TFG: variants seen among roughly 807,000 people sequenced by gnomAD.
The protein encoded by TFG is trafficking from ER to golgi regulator, also known as protein TFG.
A neutral mutation model predicts 51.4 loss-of-function variants in TFG; 22 were observed. The observed-to-expected ratio is 0.43, with a 90% confidence interval of 0.31 to 0.61. The LOEUF (loss-of-function observed/expected upper bound fraction) is 0.61. Ranked by LOEUF, TFG falls within the 20% of genes least tolerant of loss-of-function variation. TFG has a pLI of 0.12. For synonymous variants in TFG, 187 were observed against 165.6 expected, an observed-to-expected ratio of 1.13 and a Z score of -0.99; for missense variants, 419 against 487.7, an observed-to-expected ratio of 0.86 and a Z score of 1.33.
chr3:100,721,829 G>C lies in TFG; in HGVS notation c.268+1771G>C, dbSNP rs187832694. On this transcript the variant is annotated intron_variant, in intron 3 of 7. Transcript: ENST00000240851. ...TATGTGATAGTCTACAAAATTAAAA[G>C]TTATTTAAGACATAGAAGAAGGAAT... 2.0e-3 allele frequency among the ~76,000 whole-genome samples: 308 copies of C among 152,312 alleles called. 1 individual carries two copies. In the Middle Eastern group the frequency reaches 0.024, roughly 12 times the overall value.
chr3:100,720,177 A>C, intron 3 of TFG, 119 bp downstream of exon 3: 1 of 580,928 alleles, frequency 1.7e-6, no homozygotes, highest in Non-Finnish European at 2.9e-6. Flanking sequence ...TATTACATTT[A>C]TTTGTGTTCA....
Position 100,713,836 on chromosome 3 carries a change from A to G in TFG, c.151A>G (p.Asn51Asp). ...AGTTTTCAGAGGAAAACTTCTGAGT[A>G]ATGATGAAGTAACAATAAAGTATAA... is the stretch of plus-strand genomic sequence containing the variant. ...QRVFRGKLLS[N>D]DEVTIKYKDE... is the part of the protein sequence containing the mutation. Residue 51 changes from asparagine to aspartate, a missense_variant, in exon 2 of 8, where the codon AAT (asparagine) becomes GAT (aspartate). Transcript: ENST00000240851. The G allele has an allele frequency of 6.4e-7, 1 of 1,574,768 alleles. No homozygotes were observed. Among genetic ancestry groups the G allele is most frequent in the Non-Finnish European group, 8.7e-7 (1 of 1,153,218 alleles).
intron 5 of TFG, among the ~76,000 whole-genome samples, chr3:100,735,371 CT>C (rs943806466): frequency 1.1e-4 from 16 of 152,200 alleles, no homozygotes; most frequent in African/African-American, 3.6e-4. Context: ...TTATATGGAA[CT>C]TTCTGAGTAG....
chr3:100,717,743 A>G (rs184443193), intron 2 of TFG, among the ~76,000 whole-genome samples: 267 of 152,000 alleles, frequency 1.8e-3, no homozygotes, highest in African/African-American at 6.1e-3. Flanking sequence ...TGTTTCTGGC[A>G]GCTTTATTGA....
intron 5 of TFG, 25 bp downstream of exon 5, chr3:100,732,697 C>T: frequency 2.3e-5 from 36 of 1,567,408 alleles, no homozygotes; most frequent in Non-Finnish European, 3.1e-5. Flanking sequence ...AACTCCTTTA[C>T]ACCCTTCGTT....
chr3:100,735,012 G>T (rs1424470211), intron 5 of TFG, among the ~76,000 whole-genome samples: 4 of 152,118 alleles, frequency 2.6e-5, no homozygotes, highest in Non-Finnish European at 5.9e-5. Context: ...AACATGGAAT[G>T]AATATTAACT....
At chr3:100,728,015 G>A (rs897884466) in intron 3 of TFG, among the ~76,000 whole-genome samples, 1 of 152,034 alleles carries the variant, frequency 6.6e-6, no homozygotes, top group African/African-American at 2.4e-5. Flanking sequence ...TAAGGTTTTT[G>A]TAGAGATGAA....
At chr3:100,712,831 C>G (rs993570772) in intron 1 of TFG, among the ~76,000 whole-genome samples, 2 of 152,114 alleles carry the variant, frequency 1.3e-5, no homozygotes, top group African/African-American at 2.4e-5. Flanking sequence ...AAAGATCTCT[C>G]TCAGTTAACA....
At chr3:100,733,536 C>T (rs1253959588) in intron 5 of TFG, among the ~76,000 whole-genome samples, 3 of 152,068 alleles carry the variant, frequency 2.0e-5, no homozygotes, top group Admixed American at 2.0e-4. Context: ...TATTTAGCTG[C>T]TTTAAAATGT....
chr3:100,741,496 C>T (rs2095121137), intron 6 of TFG, among the ~76,000 whole-genome samples: 1 of 151,572 alleles, frequency 6.6e-6, no homozygotes, highest in Non-Finnish European at 1.5e-5. Flanking sequence ...GTACTTTAAG[C>T]TAAAGTATTA....
intron 6 of TFG, among the ~76,000 whole-genome samples, chr3:100,737,179 G>T (rs1221578958): frequency 6.6e-6 from 1 of 152,072 alleles, no homozygotes; most frequent in African/African-American, 2.4e-5. Context: ...TTATAATTTT[G>T]TAAATTTAGC....
At chr3:100,726,057 TAGTGGCTC>T (rs992538275) in intron 3 of TFG, among the ~76,000 whole-genome samples, 16 of 152,072 alleles carry the variant, frequency 1.1e-4, no homozygotes, top group Non-Finnish European at 1.8e-4. Context: ...CTGATGCTGA[TAGTGGCTC>T]AGTGGCTCAG....
At chr3:100,746,413 T>G (rs1369430401) in intron 7 of TFG, among the ~76,000 whole-genome samples, 1 of 152,142 alleles carries the variant, frequency 6.6e-6, no homozygotes, top group Non-Finnish European at 1.5e-5. Context: ...TGGAGGGAGC[T>G]GGATCAGTTC....
In TFG at chr3:100,736,633, C is replaced by T; in HGVS notation, c.638C>T (p.Ser213Phe). The change falls in exon 6 of 8, where the codon TCC (serine) becomes TTC (phenylalanine). Residue 213 changes from serine (S) to phenylalanine (F), a missense_variant. Ser to Phe is a radical substitution (Grantham distance 155). Transcript: ENST00000240851. ...RSGTPDSIAS[S>F]SSAAHPPGVQ... The stretch of plus-strand genomic sequence containing the variant: ...GGAACACCCGACAGCATTGCTTCCT[C>T]CTCCTCAGCAGCTCACCCACCAGGC... 1.9e-6 allele frequency: 3 copies of T among 1,614,006 alleles called. No individual in the cohort carries two copies. Among genetic ancestry groups the T allele is most frequent in the Non-Finnish European group, 2.5e-6 (3 of 1,179,974 alleles).
intron 2 of TFG, among the ~76,000 whole-genome samples, chr3:100,715,226 A>T (rs2095042401): frequency 6.6e-6 from 1 of 152,246 alleles, no homozygotes; most frequent in Non-Finnish European, 1.5e-5. Flanking sequence ...TAGTTGAGAA[A>T]TCTTTCAGGG....
At chr3:100,745,028 T>C (rs1034489094) in intron 7 of TFG, 97 bp downstream of exon 7, 4 of 557,704 alleles carry the variant, frequency 7.2e-6, no homozygotes, top group African/African-American at 5.8e-5. Flanking sequence ...TACATTGATA[T>C]AATAGGTATT....
intron 1 of TFG, chr3:100,711,017 C>T (rs1363545074): frequency 6.6e-6 from 1 of 152,226 alleles, no homozygotes. Context: ...GCACTGGTTC[C>T]TGGCCACAAG....
At position 100,748,536 on chromosome 3, in the gene TFG, G is replaced by A; in HGVS notation, c.*5G>A. On this transcript the variant is annotated 3_prime_UTR_variant, in exon 8 of 8. Transcript: ENST00000240851. ...CCTGGACCTGGTTATCGATAAGGAG[G>A]CTCCTCTACACCAATTAATGTAGCT... The A allele has an allele frequency of 6.2e-7, 1 of 1,607,460 alleles. No individual in the cohort carries two copies. The highest frequency in any genetic ancestry group is 8.5e-7 in the Non-Finnish European group (1 of 1,175,758).
chr3:100,713,551 G>A (rs2095036812), intron 1 of TFG, 92 bp from the exon 2 acceptor site: 1 of 497,308 alleles, frequency 2.0e-6, no homozygotes, highest in African/African-American at 2.0e-5. Context: ...TGAATCTTTT[G>A]GAGGCTAGAG....
Sources: allele counts gnomAD v4.1 joint callset (sites outside exome capture counted in the v4.1 genomes callset), GRCh38; gene constraint gnomAD v4.1.1; transcripts MANE v1.5; gene names NCBI Gene and HGNC (gene_info 2026-07-23, HGNC 2026-07-21).